Variants in ADAMTS17 observed in about 807,000 individuals in gnomAD.
ADAMTS17 encodes the protein ADAM metallopeptidase with thrombospondin type 1 motif 17.
ADAMTS17 carries 113 observed loss-of-function variants against 141.5 expected under a neutral mutation model. The observed-to-expected ratio is 0.80, with a 90% confidence interval of 0.69 to 0.93. The LOEUF is 0.93. Ranked by LOEUF, ADAMTS17 falls within the 40% of genes least tolerant of loss-of-function variation. The pLI, the probability that ADAMTS17 is intolerant of heterozygous loss-of-function variation, is 0.00. For synonymous variants in ADAMTS17, 768 were observed against 630.6 expected, an observed-to-expected ratio of 1.22 and a Z score of -3.27; for missense variants, 1,659 against 1,517.9, an observed-to-expected ratio of 1.09 and a Z score of -1.54.
chr15:100,167,716 T>G (rs1264295111), intron 8 of ADAMTS17, among the ~76,000 whole-genome samples: 1 of 152,210 alleles, frequency 6.6e-6, no homozygotes, highest in Non-Finnish European at 1.5e-5. Flanking sequence ...TTTCATCTGC[T>G]ACAAAAGCGC....
intron 7 of ADAMTS17, among the ~76,000 whole-genome samples, chr15:100,237,931 A>C (rs1368714648): frequency 6.6e-6 from 1 of 152,146 alleles, no homozygotes; most frequent in African/African-American, 2.4e-5. Flanking sequence ...GGCCAACACT[A>C]AGTCTCTTAA....
At chr15:100,296,184 C>T (rs951654836) in intron 3 of ADAMTS17, among the ~76,000 whole-genome samples, 8 of 152,044 alleles carry the variant, frequency 5.3e-5, no homozygotes, top group African/African-American at 1.9e-4. Flanking sequence ...GGTGTCGTAC[C>T]GAGTTTGAAC....
chr15:100,099,859 G>T (rs1403135679), intron 14 of ADAMTS17, among the ~76,000 whole-genome samples: 1 of 152,198 alleles, frequency 6.6e-6, no homozygotes, highest in Non-Finnish European at 1.5e-5. Context: ...GCTCAGATCC[G>T]TGTGCTGAGG....
chr15:100,019,210 A>G (rs1384814251), intron 18 of ADAMTS17, among the ~76,000 whole-genome samples: 17 of 152,172 alleles, frequency 1.1e-4, no homozygotes, highest in Admixed American at 1.1e-3. Context: ...ACAACAAACA[A>G]TACTCTCTTC....
At chr15:99,975,704 C>G (rs966248999) in intron 21 of ADAMTS17, among the ~76,000 whole-genome samples, 3 of 152,150 alleles carry the variant, frequency 2.0e-5, no homozygotes, top group Non-Finnish European at 4.4e-5. Flanking sequence ...ATGAAGGATG[C>G]CCCTGGAGCT....
At chr15:100,062,838 C>A (rs913392793) in intron 15 of ADAMTS17, among the ~76,000 whole-genome samples, 5 of 152,074 alleles carry the variant, frequency 3.3e-5, no homozygotes, top group Admixed American at 2.6e-4. Flanking sequence ...TAAGTTTAAC[C>A]CAAGACAGGA....
chr15:100,060,525 T>G (rs1467107386), intron 15 of ADAMTS17, among the ~76,000 whole-genome samples: 1 of 152,224 alleles, frequency 6.6e-6, no homozygotes, highest in Non-Finnish European at 1.5e-5. Context: ...CAGAGCTGGC[T>G]GGAGGCAGAT....
At chr15:100,098,960 A>G (rs56105220) in intron 14 of ADAMTS17, among the ~76,000 whole-genome samples, 10,692 of 152,254 alleles carry the variant, frequency 0.07, 391 homozygotes, top group South Asian at 0.12. Context: ...CTGGCTTCCT[A>G]TAATTTTCAA....
chr15:99,973,370 C>T lies in ADAMTS17; in HGVS notation c.*1032G>A, dbSNP rs915845535. On this transcript the variant is annotated 3_prime_UTR_variant, in exon 22 of 22. Transcript: ENST00000268070. Reference sequence around the variant, plus strand: ...GATAGAGCAGTCAGGCCTTGCTCTACAGATCCTAGGCCTGGGCTTGTGTCC... The same window carrying T: ...GATAGAGCAGTCAGGCCTTGCTCTATAGATCCTAGGCCTGGGCTTGTGTCC... The T allele has an allele frequency of 1.1e-5, 1 of 91,008 alleles. No individual in the cohort carries two copies. The highest frequency in any genetic ancestry group is 9.9e-5 in the Admixed American group (1 of 10,056). The allele number at this position is 91,008 out of a possible 1,614,324, so 5.6% of individuals were successfully genotyped here.
At chr15:100,149,148 G>A (rs1352225617) in intron 10 of ADAMTS17, among the ~76,000 whole-genome samples, 1 of 152,142 alleles carries the variant, frequency 6.6e-6, no homozygotes, top group Non-Finnish European at 1.5e-5. Flanking sequence ...ACAAAAGCAG[G>A]GAAGGCGCAG....
intron 10 of ADAMTS17, among the ~76,000 whole-genome samples, chr15:100,144,044 A>G (rs2038782255): frequency 6.7e-6 from 1 of 150,152 alleles, no homozygotes; most frequent in African/African-American, 2.5e-5. Context: ...GTGAATGCAT[A>G]ATTATAAAAT....
chr15:100,198,073 G>C (rs1397031511), intron 8 of ADAMTS17, among the ~76,000 whole-genome samples: 1 of 152,140 alleles, frequency 6.6e-6, no homozygotes, highest in Non-Finnish European at 1.5e-5. Flanking sequence ...ACCTAATGTA[G>C]GCGACAGGTT....
At chr15:100,004,903 G>A (rs963361567) in intron 18 of ADAMTS17, among the ~76,000 whole-genome samples, 1 of 152,192 alleles carries the variant, frequency 6.6e-6, no homozygotes, top group Non-Finnish European at 1.5e-5. Context: ...TTATAGACAT[G>A]AGCAACCACA....
chr15:100,100,197 G>A (rs1348137361), intron 14 of ADAMTS17, among the ~76,000 whole-genome samples: 1 of 152,164 alleles, frequency 6.6e-6, no homozygotes, highest in Non-Finnish European at 1.5e-5. Context: ...TGCTAAAGAT[G>A]CCCTGGAAGC....
chr15:100,096,364 C>T lies in ADAMTS17; in HGVS notation c.2129G>A (p.Arg710Gln), dbSNP rs375653443. 1.2e-5 allele frequency: 19 copies of T among 1,613,658 alleles called. No homozygotes were observed. The highest frequency in any genetic ancestry group is 4.0e-5 in the African/African-American group (3 of 74,932). ...HLVKGDFSHA[R>Q]GTALKDSGKG... ...CATGGGCCAACACTCACCTGTCCCCCGGGCGTGGCTGAAGTCGCCCTTCAC... is the reference window on the plus strand; with the variant it reads ...CATGGGCCAACACTCACCTGTCCCCTGGGCGTGGCTGAAGTCGCCCTTCAC... Residue 710 changes from arginine to glutamine, a missense_variant, in exon 15 of 22, where the codon CGG (arginine) becomes CAG (glutamine). Coordinates refer to ENST00000268070, the MANE Select transcript of ADAMTS17 (RefSeq NM_139057.4).
intron 15 of ADAMTS17, among the ~76,000 whole-genome samples, chr15:100,089,064 G>T (rs959324800): frequency 2.0e-5 from 3 of 151,894 alleles, no homozygotes; most frequent in African/African-American, 7.3e-5. Context: ...CCTACAGAAT[G>T]AGAGAAAATT....
intron 8 of ADAMTS17, among the ~76,000 whole-genome samples, chr15:100,187,083 T>C (rs185247027): frequency 1.1e-4 from 16 of 152,224 alleles, no homozygotes; most frequent in Admixed American, 7.9e-4. Context: ...ACTATTGACC[T>C]CTCCTCACCT....
intron 7 of ADAMTS17, among the ~76,000 whole-genome samples, chr15:100,208,046 C>A (rs1328213734): frequency 6.6e-6 from 1 of 152,146 alleles, no homozygotes; most frequent in Non-Finnish European, 1.5e-5. Flanking sequence ...CCCAGGGAAT[C>A]CCAAAGAACT....
intron 15 of ADAMTS17, among the ~76,000 whole-genome samples, chr15:100,063,246 T>G (rs1300402365): frequency 6.6e-6 from 1 of 152,150 alleles, no homozygotes; most frequent in Non-Finnish European, 1.5e-5. Flanking sequence ...GACTTAAGAT[T>G]GTTGTTCTTT....
Sources: allele counts gnomAD v4.1 joint callset (sites outside exome capture counted in the v4.1 genomes callset), GRCh38; gene constraint gnomAD v4.1.1; transcripts MANE v1.5; gene names NCBI Gene and HGNC (gene_info 2026-07-23, HGNC 2026-07-21).